The following RASSF3 variants were observed in gnomAD, a reference collection of about 807,000 sequenced individuals.
RASSF3 encodes ras association domain-containing protein 3.
In RASSF3, 19 loss-of-function variants were observed where a neutral mutation model predicts 19.9. The observed-to-expected ratio is 0.96, with a 90% CI of 0.67 to 1.40. The LOEUF (loss-of-function observed/expected upper bound fraction) is 1.40, where lower values mean the gene tolerates loss of function less well. Among genes scored for constraint, RASSF3 ranks in the 40% most tolerant of loss-of-function variants. The probability of loss-of-function intolerance (pLI) is 0.00; values close to 1 mark genes in which losing one functional copy is unlikely to be tolerated. For missense variants in RASSF3, 306 were observed against 289.8 expected (o/e 1.06, Z -0.41); for synonymous variants, 110 against 104.2 (o/e 1.06, Z -0.34).
chr12:64,567,666 T>C (rs1394958069), intron 2 of RASSF3, among the ~76,000 whole-genome samples: 3 of 152,222 alleles, frequency 2.0e-5, no homozygotes, highest in East Asian at 1.9e-4. Context: ...CCTACGACAG[T>C]TGACATGCCC....
chr12:64,541,554 G>T, intron 1 of RASSF3: 1 of 398,472 alleles, frequency 2.5e-6, no homozygotes, highest in East Asian at 3.6e-5. Context: ...AGACCTAACT[G>T]GGAACCTAAC....
intron 1 of RASSF3, among the ~76,000 whole-genome samples, chr12:64,534,683 T>C (rs1158162705): frequency 6.6e-6 from 1 of 151,776 alleles, no homozygotes; most frequent in East Asian, 1.9e-4. Context: ...AAAGAGAGAA[T>C]AGAGAGACAG....
At chr12:64,587,763 C>T (rs1169332982) in intron 2 of RASSF3, among the ~76,000 whole-genome samples, 1 of 152,238 alleles carries the variant, frequency 6.6e-6, no homozygotes. Context: ...TTTTATGATT[C>T]CCACCACTTC....
At chr12:64,534,617 GGTA>G (rs929023761) in intron 1 of RASSF3, among the ~76,000 whole-genome samples, 1 of 152,188 alleles carries the variant, frequency 6.6e-6, no homozygotes, top group African/African-American at 2.4e-5. Flanking sequence ...CTGCAAGGCT[GGTA>G]GTAGGAAGGA....
intron 1 of RASSF3, among the ~76,000 whole-genome samples, chr12:64,525,481 T>C (rs1338169998): frequency 1.3e-5 from 2 of 152,136 alleles, no homozygotes; most frequent in East Asian, 3.9e-4. Context: ...TCCCCCCATC[T>C]CCTTTTAGCA....
intron 1 of RASSF3, among the ~76,000 whole-genome samples, chr12:64,631,495 A>G (rs866136410): frequency 2.5e-4 from 38 of 152,234 alleles, no homozygotes; most frequent in Middle Eastern, 3.4e-3. Context: ...TGAGGAGCCT[A>G]CAAGGGCGAG....
At chr12:64,522,098 A>C (rs1010400091) in intron 1 of RASSF3, among the ~76,000 whole-genome samples, 3 of 152,242 alleles carry the variant, frequency 2.0e-5, no homozygotes, top group Non-Finnish European at 4.4e-5. Flanking sequence ...GAAGCATGAA[A>C]GCAGATGCTT....
chr12:64,547,141 A>G (rs760695824), intron 2 of RASSF3, among the ~76,000 whole-genome samples: 3 of 151,952 alleles, frequency 2.0e-5, no homozygotes, highest in African/African-American at 4.8e-5. Flanking sequence ...GTGTGGTGGC[A>G]CACACCTGTA....
At chr12:64,514,465 G>A (rs544610206) in intron 1 of RASSF3, among the ~76,000 whole-genome samples, 1 of 152,070 alleles carries the variant, frequency 6.6e-6, no homozygotes, top group Non-Finnish European at 1.5e-5. Flanking sequence ...GATTACAGGC[G>A]TGAGCCACCG....
upstream of RASSF3, among the ~76,000 whole-genome samples, chr12:64,610,105 A>C (rs1438942762): frequency 6.6e-6 from 1 of 152,022 alleles, no homozygotes; most frequent in African/African-American, 2.4e-5. Context: ...GGGGGCGAGC[A>C]GGGAGTGGAC....
rs71092993 is a variant in RASSF3, at chr12:64,661,677, C to CT, written c.112-23087dup. On this transcript the variant is annotated intron_variant, in intron 1 of 4. Coordinates refer to ENST00000542104, the MANE Select transcript of RASSF3 (RefSeq NM_178169.4). ...AGACCCCATCTCTCTTTTTCTTTTT[C>CT]TTTTTTTTTTTTTTTTTTTTTTTGA... 4.3e-3 allele frequency among the ~76,000 whole-genome samples: 342 copies of CT among 78,882 alleles called. 1 individual carries two copies. The highest frequency in any genetic ancestry group is 6.8e-3 in the Middle Eastern group (1 of 148). 51.7% of individuals were successfully genotyped at this position (78,882 alleles called of 152,430 possible).
chr12:64,594,521 A>C (rs1869969639), intron 2 of RASSF3, among the ~76,000 whole-genome samples: 1 of 152,172 alleles, frequency 6.6e-6, no homozygotes, highest in East Asian at 1.9e-4. Context: ...ACCTTTACTT[A>C]AAAGGTAATG....
chr12:64,603,860 C>G (rs1255138112), intron 2 of RASSF3, among the ~76,000 whole-genome samples: 1 of 150,082 alleles, frequency 6.7e-6, no homozygotes, highest in South Asian at 2.1e-4. Context: ...TTTTCTTTTT[C>G]TTTTTTGAGA....
At chr12:64,615,318 G>C (rs1381118464) in intron 1 of RASSF3, among the ~76,000 whole-genome samples, 1 of 152,232 alleles carries the variant, frequency 6.6e-6, no homozygotes, top group Non-Finnish European at 1.5e-5. Flanking sequence ...TAGTTCATGG[G>C]AATAAGGAAA....
chr12:64,654,028 C>T (rs1187593274), intron 1 of RASSF3: 1 of 152,306 alleles, frequency 6.6e-6, no homozygotes, highest in African/African-American at 2.4e-5. Flanking sequence ...GATGATGTTG[C>T]TTCAGTGTCA....
chr12:64,548,796 C>T (rs1869111229), intron 2 of RASSF3, among the ~76,000 whole-genome samples: 1 of 152,094 alleles, frequency 6.6e-6, no homozygotes. Context: ...TTTTAAAATT[C>T]AATTTTAAAG....
chr12:64,655,576 T>C (rs1188552160), intron 1 of RASSF3, among the ~76,000 whole-genome samples: 3 of 151,928 alleles, frequency 2.0e-5, no homozygotes, highest in African/African-American at 7.2e-5. Context: ...GCCTCCCAAA[T>C]TATTGGGATT....
upstream of RASSF3, among the ~76,000 whole-genome samples, chr12:64,528,680 A>G (rs1336293342): frequency 6.6e-6 from 1 of 152,230 alleles, no homozygotes; most frequent in Admixed American, 6.5e-5. Context: ...GAGGACGTTG[A>G]AAGCATAGGT....
chr12:64,601,349 A>G (rs1870088298), intron 2 of RASSF3, among the ~76,000 whole-genome samples: 1 of 152,188 alleles, frequency 6.6e-6, no homozygotes, highest in Non-Finnish European at 1.5e-5. Context: ...GCTATTTCAA[A>G]ACAAAATATT....
Sources: allele counts gnomAD v4.1 joint callset (sites outside exome capture counted in the v4.1 genomes callset), GRCh38; gene constraint gnomAD v4.1.1; transcripts MANE v1.5; gene names NCBI Gene and HGNC (gene_info 2026-07-23, HGNC 2026-07-21).